The following SUGCT variants were observed in gnomAD, a reference collection of about 807,000 sequenced individuals.
SUGCT encodes succinyl-CoA:glutarate CoA-transferase.
A neutral mutation model predicts 55.0 loss-of-function variants in SUGCT; 41 were observed. The ratio of observed to expected loss-of-function variants is 0.74; its 90% CI spans 0.58 to 0.97. The LOEUF is 0.97. SUGCT is among the 50% of genes least tolerant of loss of function. The probability of loss-of-function intolerance (pLI) is 0.00; values close to 1 mark genes in which losing one functional copy is unlikely to be tolerated. For synonymous variants in SUGCT, 187 were observed against 200.4 expected (o/e 0.93, Z 0.56); for missense variants, 568 against 547.8 (o/e 1.04, Z -0.37).
chr7:40,144,517 A>G (rs911954747), intron 1 of SUGCT, among the ~76,000 whole-genome samples: 1 of 152,082 alleles, frequency 6.6e-6, no homozygotes, highest in African/African-American at 2.4e-5. Flanking sequence ...AGCACAAGGT[A>G]GGGTCCTTCC....
intron 8 of SUGCT, among the ~76,000 whole-genome samples, chr7:40,276,756 A>G (rs1178400830): frequency 2.0e-5 from 3 of 151,988 alleles, no homozygotes; most frequent in African/African-American, 7.3e-5. Context: ...ACTCATGCAT[A>G]TACACACAGG....
chr7:40,980,513 T>C, the SUGCT span, among the ~76,000 whole-genome samples: 6 of 152,152 alleles, frequency 3.9e-5, no homozygotes, highest in Non-Finnish European at 5.9e-5. Context: ...TGAGACTCAA[T>C]ATACAGTTCA....
At chr7:40,272,468 T>C (rs930486965) in intron 7 of SUGCT, among the ~76,000 whole-genome samples, 3 of 150,442 alleles carry the variant, frequency 2.0e-5, no homozygotes, top group Admixed American at 6.7e-5. Flanking sequence ...TGAGCCACTG[T>C]GCGTGAACAC....
chr7:40,904,058 G>T, the SUGCT span, among the ~76,000 whole-genome samples: 1 of 152,194 alleles, frequency 6.6e-6, no homozygotes, highest in Non-Finnish European at 1.5e-5. Flanking sequence ...AGCCTCTCTG[G>T]CAGGGTTCTC....
rs1562589586 is a variant in SUGCT at position 40,222,995 on chromosome 7, TTCCTTCCTTCCTTCCTTC to T, written c.485-14639_485-14622del. On this transcript the variant is annotated intron_variant, in intron 6 of 13. Transcript: ENST00000335693. ...TTTTATTTTTCATTTCTTTCCTTCC[TTCCTTCCTTCCTTCCTTC>T]CTTCCTTCCTTCCTTCCTTCCTTCC... is the stretch of plus-strand genomic sequence containing the variant. Among the ~76,000 whole-genome samples the T allele has an allele frequency of 5.2e-3, 672 of 129,998 alleles. 7 individuals carry two copies. Among genetic ancestry groups the T allele is most frequent in the African/African-American group, 0.02 (643 of 32,638 alleles). The allele number at this position is 129,998 out of a possible 152,430, so 85.3% of individuals were successfully genotyped here. A position where few individuals can be genotyped will look rare whatever the true frequency, so the allele number is the denominator to read the frequency against.
At chr7:40,411,303 G>A (rs1323717106) in intron 9 of SUGCT, among the ~76,000 whole-genome samples, 1 of 152,230 alleles carries the variant, frequency 6.6e-6, no homozygotes, top group Non-Finnish European at 1.5e-5. Context: ...TGAGGCAAGA[G>A]CATCGCTTGA....
chr7:40,483,585 A>G (rs1289338062), intron 11 of SUGCT, among the ~76,000 whole-genome samples: 1 of 152,178 alleles, frequency 6.6e-6, no homozygotes, highest in African/African-American at 2.4e-5. Context: ...AAAGGTAATT[A>G]AAAGAGAAGC....
At chr7:40,721,024 G>A (rs1209092890) in intron 12 of SUGCT, among the ~76,000 whole-genome samples, 1 of 152,202 alleles carries the variant, frequency 6.6e-6, no homozygotes, top group Non-Finnish European at 1.5e-5. Context: ...AACAGAGTCT[G>A]GTCATGGTAA....
intron 11 of SUGCT, among the ~76,000 whole-genome samples, chr7:40,469,411 A>G (rs1391541332): frequency 6.6e-6 from 1 of 152,202 alleles, no homozygotes; most frequent in Non-Finnish European, 1.5e-5. Flanking sequence ...TTATCAGCTA[A>G]TAGATGGTCC....
the SUGCT span, among the ~76,000 whole-genome samples, chr7:40,873,496 C>T: frequency 1.3e-5 from 2 of 152,300 alleles, no homozygotes; most frequent in South Asian, 2.1e-4. Flanking sequence ...ATTCCATGTC[C>T]ACATTCTTTT....
chr7:40,898,049 A>G, the SUGCT span, among the ~76,000 whole-genome samples: 1 of 152,136 alleles, frequency 6.6e-6, no homozygotes, highest in South Asian at 2.1e-4. Context: ...ATAAATCTTG[A>G]TGCTGCTTAT....
chr7:40,776,447 C>T (rs895118972), intron 13 of SUGCT, among the ~76,000 whole-genome samples: 1 of 152,144 alleles, frequency 6.6e-6, no homozygotes, highest in Admixed American at 6.5e-5. Context: ...GGTTGTTTCT[C>T]TTTGATTGAC....
At chr7:40,382,628 A>G (rs1297662409) in intron 9 of SUGCT, among the ~76,000 whole-genome samples, 2 of 152,346 alleles carry the variant, frequency 1.3e-5, no homozygotes, top group East Asian at 1.9e-4. Flanking sequence ...TTGGAGATGA[A>G]TAAAATGGAA....
chr7:40,289,458 T>A (rs1311386589), intron 8 of SUGCT, among the ~76,000 whole-genome samples: 1 of 152,158 alleles, frequency 6.6e-6, no homozygotes, highest in Non-Finnish European at 1.5e-5. Context: ...ATTGTAACAA[T>A]ATATTATAAT....
intron 8 of SUGCT, among the ~76,000 whole-genome samples, chr7:40,276,819 GTC>G (rs1491584275): frequency 0.02 from 2,568 of 125,366 alleles, 54 homozygotes; most frequent in African/African-American, 0.085. Context: ...GTGTGTGTGT[GTC>G]TGTCTGTCTG....
intron 13 of SUGCT, among the ~76,000 whole-genome samples, chr7:40,755,622 T>A (rs1190440245): frequency 6.6e-6 from 1 of 152,226 alleles, no homozygotes; most frequent in African/African-American, 2.4e-5. Flanking sequence ...AGGTGCCAAG[T>A]TAGCATTGGT....
At chr7:40,234,385 G>C (rs1418212219) in intron 6 of SUGCT, among the ~76,000 whole-genome samples, 2 of 152,134 alleles carry the variant, frequency 1.3e-5, no homozygotes, top group African/African-American at 2.4e-5. Context: ...CCCGGGCCAG[G>C]GTGCCCTCTA....
At chr7:40,900,337 A>G in the SUGCT span, among the ~76,000 whole-genome samples, 39 of 152,322 alleles carry the variant, frequency 2.6e-4, no homozygotes, top group African/African-American at 8.7e-4. Context: ...CTTCCCGGCA[A>G]TGTTTCTTCA....
At chr7:40,968,476 TG>T in the SUGCT span, among the ~76,000 whole-genome samples, 1 of 152,164 alleles carries the variant, frequency 6.6e-6, no homozygotes, top group Non-Finnish European at 1.5e-5. Flanking sequence ...TATAATTCAG[TG>T]GACAGGTCCA....
Sources: gnomAD v4.1 joint callset for allele counts (sites outside exome capture counted in the v4.1 genomes callset) on GRCh38, gnomAD v4.1.1 for gene constraint, MANE v1.5 for transcripts, NCBI Gene and HGNC (gene_info 2026-07-23, HGNC 2026-07-21) for gene names.